ROR2: variants seen among roughly 807,000 people sequenced by gnomAD.
The protein encoded by ROR2 is tyrosine-protein kinase transmembrane receptor ROR2.
In ROR2, 33 loss-of-function variants were observed where a neutral mutation model predicts 74.9. The ratio of observed to expected loss-of-function variants is 0.44; its 90% confidence interval spans 0.33 to 0.59. ROR2 has a LOEUF of 0.59. ROR2 is among the 20% of genes least tolerant of loss of function. The pLI is 0.02. For synonymous variants in ROR2, 586 were observed against 558.7 expected (o/e 1.05, Z -0.69); for missense variants, 1,216 against 1,313.8 (o/e 0.93, Z 1.15).
intron 1 of ROR2, among the ~76,000 whole-genome samples, chr9:91,806,862 T>G (rs1827580756): frequency 6.6e-6 from 1 of 152,230 alleles, no homozygotes; most frequent in South Asian, 2.1e-4. Flanking sequence ...GTGCTGGGAT[T>G]ACAGGCATAA....
intron 1 of ROR2, among the ~76,000 whole-genome samples, chr9:91,868,054 T>C (rs1201324992): frequency 6.6e-6 from 1 of 152,124 alleles, no homozygotes; most frequent in Non-Finnish European, 1.5e-5. Context: ...CAATAAGATG[T>C]CACAGATGTT....
At chr9:91,929,276 A>G (rs1486679357) in intron 1 of ROR2, among the ~76,000 whole-genome samples, 1 of 152,256 alleles carries the variant, frequency 6.6e-6, no homozygotes, top group Non-Finnish European at 1.5e-5. Context: ...AGGCTTTGTC[A>G]TTCTGTGAAG....
At chr9:91,921,733 C>T (rs1831268186) in intron 1 of ROR2, among the ~76,000 whole-genome samples, 1 of 151,920 alleles carries the variant, frequency 6.6e-6, no homozygotes. Context: ...CGTGGCGGCG[C>T]ACGCCTGTAG....
chr9:91,852,245 C>T (rs1300725556), intron 1 of ROR2, among the ~76,000 whole-genome samples: 3 of 151,676 alleles, frequency 2.0e-5, no homozygotes, highest in Non-Finnish European at 2.9e-5. Context: ...AGTTGAGTCC[C>T]TTGCATTTTC....
At chr9:91,860,283 G>C (rs1308121114) in intron 1 of ROR2, among the ~76,000 whole-genome samples, 6 of 152,162 alleles carry the variant, frequency 3.9e-5, no homozygotes, top group Admixed American at 1.3e-4. Flanking sequence ...GTGACTCCCT[G>C]ATTGTGAAAG....
intron 1 of ROR2, among the ~76,000 whole-genome samples, chr9:91,806,166 A>G (rs35357880): frequency 0.099 from 15,097 of 152,222 alleles, 1,233 homozygotes; most frequent in East Asian, 0.28. Context: ...AGTGCACCTG[A>G]GCCACTCTAA....
intron 4 of ROR2, among the ~76,000 whole-genome samples, chr9:91,741,000 G>A (rs1394788472): frequency 1.3e-5 from 2 of 152,024 alleles, no homozygotes; most frequent in African/African-American, 4.8e-5. Context: ...AGGAGAGAGG[G>A]TGCTAAATAA....
chr9:91,792,175 A>T (rs796674946), intron 1 of ROR2, among the ~76,000 whole-genome samples: 7 of 152,342 alleles, frequency 4.6e-5, no homozygotes, highest in African/African-American at 1.7e-4. Context: ...CACCTTAAGG[A>T]ATTAGAGAAG....
chr9:91,818,681 C>T (rs138293181), intron 1 of ROR2, among the ~76,000 whole-genome samples: 1 of 152,200 alleles, frequency 6.6e-6, no homozygotes, highest in South Asian at 2.1e-4. Flanking sequence ...GTAAGCCTAA[C>T]ACTGTATCCA....
intron 7 of ROR2, among the ~76,000 whole-genome samples, chr9:91,727,007 T>A (rs1470719613): frequency 6.6e-6 from 1 of 152,064 alleles, no homozygotes; most frequent in Non-Finnish European, 1.5e-5. Context: ...AAAAAGTAAA[T>A]GAATTCTAAT....
chr9:91,839,249 GGGGTGTGTGTGTGTGT>G lies in ROR2; in HGVS notation c.98-63447_98-63432del, dbSNP rs1490313382. On this transcript the variant is annotated intron_variant, in intron 1 of 8. Transcript: ENST00000375708. ...CCTGATTCCTGGTGCTGTCAGATCG[GGGGTGTGTGTGTGTGT>G]GTGTGTGTGTGTGTGTGTGTGTGTG... is the stretch of plus-strand genomic sequence containing the variant. Among the ~76,000 whole-genome samples the G allele has an allele frequency of 3.7e-3, 490 of 132,674 alleles. 9 individuals carry two copies. The highest frequency in any genetic ancestry group is 8.8e-3 in the East Asian group (41 of 4,658). 87.0% of individuals were successfully genotyped at this position (132,674 alleles called of 152,430 possible).
Position 91,737,400 on chromosome 9 carries a change from G to C in ROR2, c.613C>G (p.Arg205Gly). Residue 205 changes from arginine (R) to glycine (G), a missense_variant, in exon 5 of 9, where the codon CGA becomes GGA. By Grantham distance (125) the Arg-to-Gly change is moderately radical. Transcript: ENST00000375708. ...SLQMQGEIENRITAAFTMIGT... is the reference protein window; with the variant it reads ...SLQMQGEIENGITAAFTMIGT... ...GGTCTGCAGCTCCTACCTGTGATTC[G>C]GTTTTCAATCTCCCCCTGCATCTGA... The C allele has an allele frequency of 6.2e-7, 1 of 1,614,106 alleles. No homozygotes were observed. Among genetic ancestry groups the C allele is most frequent in the Non-Finnish European group, 8.5e-7 (1 of 1,180,022 alleles).
intron 1 of ROR2, among the ~76,000 whole-genome samples, chr9:91,893,372 G>A (rs144954970): frequency 0.017 from 2,566 of 152,150 alleles, 75 homozygotes; most frequent in African/African-American, 0.059. Flanking sequence ...CCAGGAAGGC[G>A]GCGGTTGCAG....
chr9:91,890,600 T>C (rs1470657037), intron 1 of ROR2, among the ~76,000 whole-genome samples: 1 of 152,248 alleles, frequency 6.6e-6, no homozygotes, highest in East Asian at 1.9e-4. Context: ...TTAATTAACA[T>C]GTGGCCACCT....
In ROR2 at chr9:91,931,361, C is replaced by A. The variant is rs544022565; in HGVS notation, c.97+18506G>T. On this transcript the variant is annotated intron_variant, in intron 1 of 8. Coordinates refer to ENST00000375708, the MANE Select transcript of ROR2 (RefSeq NM_004560.4). The stretch of plus-strand genomic sequence containing the variant: ...CTTTAAAATGATTAAGAGTAGAATT[C>A]TCAGTAAGGCTCTGTCATGAATATA... Among the ~76,000 whole-genome samples the A allele has an allele frequency of 2.6e-5, 4 of 152,284 alleles. No homozygotes were observed. In the East Asian group the frequency reaches 5.8e-4, roughly 22 times the overall value.
In ROR2 at chr9:91,773,653, T is replaced by C. The variant is rs985900660; in HGVS notation, c.175+2088A>G. Among the ~76,000 whole-genome samples, 138 of 152,218 alleles carry C rather than the reference T, an allele frequency of 9.1e-4. 1 individual carries two copies. The highest frequency in any genetic ancestry group is 3.3e-3 in the African/African-American group (135 of 41,462). The stretch of plus-strand genomic sequence containing the variant: ...TTTCAAGAGCCTTCCAGCTGCCCTA[T>C]TGAGATTCATGGGTTCAACCCCGGC... On this transcript the variant is annotated intron_variant, in intron 2 of 8. Transcript: ENST00000375708.
intron 1 of ROR2, among the ~76,000 whole-genome samples, chr9:91,871,508 T>G (rs886247664): frequency 2.0e-5 from 3 of 152,234 alleles, no homozygotes; most frequent in African/African-American, 7.2e-5. Context: ...TTTAAATTCT[T>G]GCGACAGGTT....
chr9:91,740,481 G>A (rs1825191273), intron 4 of ROR2, among the ~76,000 whole-genome samples: 1 of 151,714 alleles, frequency 6.6e-6, no homozygotes, highest in African/African-American at 2.4e-5. Context: ...GAACCCAGGA[G>A]GCGGAGCTTG....
intron 1 of ROR2, among the ~76,000 whole-genome samples, chr9:91,854,904 A>T (rs1829227872): frequency 6.6e-6 from 1 of 152,186 alleles, no homozygotes; most frequent in South Asian, 2.1e-4. Context: ...CTTTTATTTT[A>T]AAAACTACTT....
Sources: gnomAD v4.1 joint callset for allele counts (sites outside exome capture counted in the v4.1 genomes callset) on GRCh38, gnomAD v4.1.1 for gene constraint, MANE v1.5 for transcripts, NCBI Gene and HGNC (gene_info 2026-07-23, HGNC 2026-07-21) for gene names.